The following ARL10 variants were observed in gnomAD, a reference collection of about 807,000 sequenced individuals.
ARL10 encodes ADP-ribosylation factor-like protein 10.
A neutral mutation model predicts 26.1 loss-of-function variants in ARL10; 23 were observed. That is an observed-to-expected ratio of 0.88 (90% CI 0.63 to 1.25). The LOEUF is 1.25. ARL10 is among the 50% of genes most tolerant of loss of function. The pLI is 0.00. For synonymous variants in ARL10, 138 were observed against 149.1 expected (o/e 0.93, Z 0.54); for missense variants, 300 against 323.6 (o/e 0.93, Z 0.56).
At chr5:176,369,224 A>AT (rs1561772977) in intron 3 of ARL10, 2 of 1,486,440 alleles carry the variant, frequency 1.3e-6, no homozygotes, top group Admixed American at 4.1e-5. Flanking sequence ...TATGCCAGGC[A>AT]TGGTGTTTTG....
intron 1 of ARL10, chr5:176,388,259 C>A: frequency 6.2e-7 from 1 of 1,613,796 alleles, no homozygotes; most frequent in Non-Finnish European, 8.5e-7. Context: ...GGGGCACCGC[C>A]CTGTTGGGGT....
At position 176,366,510 on chromosome 5, in the gene ARL10, G is replaced by A. The variant is rs1310188664; in HGVS notation, c.314G>A (p.Gly105Asp). Reference sequence around the variant, plus strand: ...TTGTCGGGGAAGCCACCGCTGGAAGGCCACATCCCCACCTGGGGCTTCAAC... The same window carrying A: ...TTGTCGGGGAAGCCACCGCTGGAAGACCACATCCCCACCTGGGGCTTCAAC... ...RVLSGKPPLE[G>D]HIPTWGFNSV... The change falls in exon 2 of 4, where the codon GGC (glycine) becomes GAC (aspartate). Residue 105 changes from glycine (G) to aspartate (D), a missense_variant. Gly to Asp is a moderately conservative substitution (Grantham distance 94). Coordinates refer to ENST00000310389, the MANE Select transcript of ARL10 (RefSeq NM_173664.6). 3 of 1,614,010 alleles carry A rather than the reference G, an allele frequency of 1.9e-6. No individual in the cohort carries two copies. The highest frequency in any genetic ancestry group is 1.7e-6 in the Non-Finnish European group (2 of 1,180,042).
In ARL10 at chr5:176,376,429, A is replaced by T. The variant is rs1291489305; in HGVS notation, c.*4534A>T. On this transcript the variant is annotated 3_prime_UTR_variant, in exon 4 of 4. Transcript: ENST00000310389. Reference sequence around the variant, plus strand: ...GGGGTTTCAGGGTGACTTATTGGGAAAATGGAGAGATACTGGCATTAATGG... The same window carrying T: ...GGGGTTTCAGGGTGACTTATTGGGATAATGGAGAGATACTGGCATTAATGG... 1.3e-5 allele frequency: 2 copies of T among 152,092 alleles called. No homozygotes were observed. Among genetic ancestry groups the T allele is most frequent in the Non-Finnish European group, 2.9e-5 (2 of 68,034 alleles). The allele number at this position is 152,092 out of a possible 1,614,324, so 9.4% of individuals were successfully genotyped here.
At chr5:176,371,313 G>A (rs900563360) in intron 3 of ARL10, among the ~76,000 whole-genome samples, 1 of 152,230 alleles carries the variant, frequency 6.6e-6, no homozygotes, top group Non-Finnish European at 1.5e-5. Flanking sequence ...ACCACAGGAG[G>A]TGGAGGTTGC....
the ARL10 span, among the ~76,000 whole-genome samples, chr5:176,409,974 TG>T: frequency 6.6e-6 from 1 of 152,194 alleles, no homozygotes; most frequent in Non-Finnish European, 1.5e-5. Flanking sequence ...CTTCATCTCA[TG>T]CTGCTGTGGG....
At chr5:176,389,267 C>A, downstream of ARL10, 2 of 1,546,622 alleles carry the variant, frequency 1.3e-6, no homozygotes, top group South Asian at 1.2e-5. Flanking sequence ...AAGCGAGACC[C>A]AAAGCGGGGA....
At position 176,377,435 on chromosome 5, in the gene ARL10, G is replaced by C. The variant is rs1768715401; in HGVS notation, c.*5540G>C. Reference sequence around the variant, plus strand: ...GAGATGCCCCATAAAGGAAACACATGTTCTTATAACTCCTTAGCTACTGCC... The same window carrying C: ...GAGATGCCCCATAAAGGAAACACATCTTCTTATAACTCCTTAGCTACTGCC... On this transcript the variant is annotated 3_prime_UTR_variant, in exon 4 of 4. Transcript: ENST00000310389. The surrounding 1 kb of genome is among the most constrained non-coding windows in gnomAD (Gnocchi z 4.5). The C allele has an allele frequency of 6.6e-6, 1 of 152,182 alleles. No homozygotes were observed. Among genetic ancestry groups the C allele is most frequent in the Non-Finnish European group, 1.5e-5 (1 of 68,040 alleles). 9.4% of individuals were successfully genotyped at this position (152,182 alleles called of 1,614,324 possible). A position where few individuals can be genotyped will look rare whatever the true frequency, so the allele number is the denominator to read the frequency against.
In ARL10 at chr5:176,368,183, T is replaced by G. The variant is rs1160788382; in HGVS notation, c.386-624T>G. ...AGAAAGGTGATCCAGGCTGGGGGAC[T>G]GTGTTGGCAACCATGTGTTCATAGG... On this transcript the variant is annotated intron_variant, in intron 2 of 3. Transcript: ENST00000310389. This position sits in a 1 kb window ranked among gnomAD's most constrained non-coding sequence, Gnocchi z 4.1. 6.6e-6 allele frequency among the ~76,000 whole-genome samples: 1 copy of G among 152,160 alleles called. No homozygotes were observed. Among genetic ancestry groups the G allele is most frequent in the Non-Finnish European group, 1.5e-5 (1 of 68,028 alleles).
chr5:176,402,412 T>C (rs753657143), downstream of ARL10, among the ~76,000 whole-genome samples: 2 of 152,272 alleles, frequency 1.3e-5, no homozygotes, highest in Non-Finnish European at 2.9e-5. Context: ...CCTCTATTCG[T>C]GCACTCTTGC....
chr5:176,372,546 G>A lies in ARL10; in HGVS notation c.*651G>A, dbSNP rs555881538. The A allele has an allele frequency of 2.1e-5, 4 of 191,050 alleles. No individual in the cohort carries two copies. The highest frequency in any genetic ancestry group is 6.9e-5 in the African/African-American group (3 of 43,274). 11.8% of individuals were successfully genotyped at this position (191,050 alleles called of 1,614,324 possible). On this transcript the variant is annotated 3_prime_UTR_variant, in exon 4 of 4. Transcript: ENST00000310389. ...TGGCCATCCTAGCAAGGAGCTTTCTGAAGACCTCCCTGCCTTTCCCTGAGC... is the reference window on the plus strand; with the variant it reads ...TGGCCATCCTAGCAAGGAGCTTTCTAAAGACCTCCCTGCCTTTCCCTGAGC...
chr5:176,390,705 C>A (rs191846568), downstream of ARL10, among the ~76,000 whole-genome samples: 21 of 152,288 alleles, frequency 1.4e-4, no homozygotes, highest in Non-Finnish European at 2.6e-4. Context: ...CCTCGGCCTC[C>A]CAAAGTGCTG....
chr5:176,377,301 C>T lies in ARL10; in HGVS notation c.*5406C>T, dbSNP rs568758586. 2 of 152,290 alleles carry T rather than the reference C, an allele frequency of 1.3e-5. No homozygotes were observed. The highest frequency in any genetic ancestry group is 1.9e-4 in the East Asian group (1 of 5,188). The allele number at this position is 152,290 out of a possible 1,614,324, so 9.4% of individuals were successfully genotyped here. A position where few individuals can be genotyped will look rare whatever the true frequency, so the allele number is the denominator to read the frequency against. On this transcript the variant is annotated 3_prime_UTR_variant, in exon 4 of 4. Coordinates refer to ENST00000310389, the MANE Select transcript of ARL10 (RefSeq NM_173664.6). This position sits in a 1 kb window ranked among gnomAD's most constrained non-coding sequence, Gnocchi z 4.5. ...TTGTCCTTTTGACCTTTCCAGAAGA[C>T]TGAGGGTGAAAGGGACAATGGTAGT...
chr5:176,401,673 A>G (rs1429888492), intron 1 of ARL10: 4 of 453,004 alleles, frequency 8.8e-6, no homozygotes, highest in Non-Finnish European at 1.8e-5. Context: ...ATCGTCACTC[A>G]CTCGCTCGCC....
downstream of ARL10, chr5:176,392,882 C>T: frequency 1.9e-6 from 3 of 1,614,228 alleles, no homozygotes; most frequent in Non-Finnish European, 2.5e-6. This position sits in a 1 kb window ranked among gnomAD's most constrained non-coding sequence, Gnocchi z 5.2. Flanking sequence ...GCTGGGCCAC[C>T]TTCTCCCACT....
chr5:176,388,888 G>A (rs1311761318), downstream of ARL10: 2 of 1,614,216 alleles, frequency 1.2e-6, no homozygotes, highest in Non-Finnish European at 1.7e-6. Flanking sequence ...TCATTGAGGG[G>A]CTGAGCCCCA....
chr5:176,397,797 GC>G (rs775191548), intron 1 of ARL10: 3 of 1,519,918 alleles, frequency 2.0e-6, no homozygotes, highest in African/African-American at 1.4e-5. Context: ...CCTGGCCCCT[GC>G]CAGGCAGCCA....
chr5:176,384,368 C>T (rs752413462), downstream of ARL10: 2 of 1,612,172 alleles, frequency 1.2e-6, no homozygotes, highest in Non-Finnish European at 1.7e-6. Context: ...TCATCACGGG[C>T]CATGGCCTAA....
downstream of ARL10, among the ~76,000 whole-genome samples, chr5:176,385,480 G>A (rs1464748134): frequency 2.0e-5 from 3 of 152,128 alleles, no homozygotes; most frequent in African/African-American, 7.2e-5. Flanking sequence ...CAAATCCATT[G>A]TTGGAACCTC....
chr5:176,410,090 C>A, the ARL10 span, among the ~76,000 whole-genome samples: 1 of 152,202 alleles, frequency 6.6e-6, no homozygotes, highest in Non-Finnish European at 1.5e-5. Context: ...TCCCTGCCCT[C>A]TACATGACAA....
Sources: gnomAD v4.1 joint callset for allele counts (sites outside exome capture counted in the v4.1 genomes callset) on GRCh38, gnomAD v4.1.1 for gene constraint, Gnocchi (gnomAD v3.1) non-coding constraint, MANE v1.5 for transcripts, NCBI Gene and HGNC (gene_info 2026-07-23, HGNC 2026-07-21) for gene names.